Variants in ZBTB20 observed in about 807,000 individuals in gnomAD.
The protein encoded by ZBTB20 is zinc finger and BTB domain containing 20.
In ZBTB20, 9 loss-of-function variants were observed where a neutral mutation model predicts 56.9. The ratio of observed to expected loss-of-function variants is 0.16; its 90% CI spans 0.10 to 0.28. The LOEUF (loss-of-function observed/expected upper bound fraction) is 0.28. Among genes scored for constraint, ZBTB20 ranks in the 10% least tolerant of loss-of-function variants. The pLI is 1.00. For missense variants in ZBTB20, 655 were observed against 1,003.0 expected, an observed-to-expected ratio of 0.65 and a Z score of 4.69; for synonymous variants, 417 against 420.7, an observed-to-expected ratio of 0.99 and a Z score of 0.11.
Position 114,327,888 on chromosome 3 carries a change from T to TA in ZBTB20, c.*11116dup, listed in dbSNP as rs1284825045. The TA allele has an allele frequency of 7.2e-5, 11 of 152,300 alleles. No individual in the cohort carries two copies. The highest frequency in any genetic ancestry group is 2.6e-4 in the African/African-American group (11 of 41,570). The allele number at this position is 152,300 out of a possible 1,614,324, so 9.4% of individuals were successfully genotyped here. On this transcript the variant is annotated 3_prime_UTR_variant, in exon 12 of 12. Coordinates refer to ENST00000675478, the MANE Select transcript of ZBTB20 (RefSeq NM_001348800.3). ...GACCAGAAGTCAGGAAAGACTGTGT[T>TA]ACGAAGTTGTTGTGAATGTGATATT...
At chr3:114,390,539 G>T (rs1559726150) in intron 7 of ZBTB20, among the ~76,000 whole-genome samples, 1 of 152,022 alleles carries the variant, frequency 6.6e-6, no homozygotes, top group Admixed American at 6.6e-5. Context: ...TTCTTCACTG[G>T]CTTATTTTCT....
intron 2 of ZBTB20, among the ~76,000 whole-genome samples, chr3:115,029,753 G>A (rs1215958901): frequency 6.6e-6 from 1 of 150,764 alleles, no homozygotes; most frequent in South Asian, 2.1e-4. Flanking sequence ...CAGATGGTTT[G>A]AAGAGTTATA....
At chr3:114,771,576 G>A (rs913842013) in intron 5 of ZBTB20, among the ~76,000 whole-genome samples, 1 of 152,114 alleles carries the variant, frequency 6.6e-6, no homozygotes, top group Non-Finnish European at 1.5e-5. Flanking sequence ...GCAGGGGTGA[G>A]CTCATTTCTT....
At chr3:114,674,336 C>T (rs553502404) in intron 6 of ZBTB20, among the ~76,000 whole-genome samples, 2 of 152,286 alleles carry the variant, frequency 1.3e-5, no homozygotes, top group East Asian at 1.9e-4. Flanking sequence ...TTGTGAAGAA[C>T]AGGCTTTGGG....
chr3:114,720,614 G>T (rs781617144), intron 5 of ZBTB20, among the ~76,000 whole-genome samples: 2 of 152,010 alleles, frequency 1.3e-5, no homozygotes, highest in Non-Finnish European at 2.9e-5. Flanking sequence ...TAATTCAAAA[G>T]GAAGTTTAGA....
In ZBTB20 at chr3:114,752,398, G is replaced by T. The variant is rs574578493; in HGVS notation, c.-343+48703C>A. Among the ~76,000 whole-genome samples, 31 of 152,236 alleles carry T rather than the reference G, an allele frequency of 2.0e-4. No homozygotes were observed. The East Asian group carries it at 5.2e-3, about 26-fold the overall frequency. Reference sequence around the variant, plus strand: ...CTGAAGACAGCTGAAATGAGTTAAGGTTTGAATTAGTGCTATTCACACTAT... The same window carrying T: ...CTGAAGACAGCTGAAATGAGTTAAGTTTTGAATTAGTGCTATTCACACTAT... On this transcript the variant is annotated intron_variant, in intron 5 of 11. Coordinates refer to ENST00000675478, the MANE Select transcript of ZBTB20 (RefSeq NM_001348800.3).
At chr3:114,432,501 C>A (rs571562507) in intron 7 of ZBTB20, among the ~76,000 whole-genome samples, 3 of 152,326 alleles carry the variant, frequency 2.0e-5, no homozygotes, top group African/African-American at 7.2e-5. Context: ...TGGCCTGCCA[C>A]AGCCAAAAAG....
intron 2 of ZBTB20, among the ~76,000 whole-genome samples, chr3:115,062,320 C>T (rs1236482261): frequency 6.6e-6 from 1 of 152,174 alleles, no homozygotes; most frequent in South Asian, 2.1e-4. Flanking sequence ...TCAATGAAAA[C>T]CTTTATAAGC....
chr3:114,810,425 G>C (rs2072435004), intron 4 of ZBTB20, among the ~76,000 whole-genome samples: 1 of 152,080 alleles, frequency 6.6e-6, no homozygotes, highest in Non-Finnish European at 1.5e-5. Context: ...AAGGGCATGG[G>C]GTTTTTCTAT....
intron 5 of ZBTB20, among the ~76,000 whole-genome samples, chr3:114,764,750 A>C (rs2108714327): frequency 6.6e-6 from 1 of 152,314 alleles, no homozygotes; most frequent in African/African-American, 2.4e-5. Flanking sequence ...TGTAAGGAGA[A>C]AATAATATAT....
chr3:114,737,323 T>C (rs930939702), intron 5 of ZBTB20, among the ~76,000 whole-genome samples: 68 of 152,130 alleles, frequency 4.5e-4, no homozygotes, highest in African/African-American at 1.5e-3. Flanking sequence ...TTTCTAGATA[T>C]GGACCCACCT....
chr3:114,872,926 T>C (rs1424302116), intron 4 of ZBTB20, among the ~76,000 whole-genome samples: 1 of 152,150 alleles, frequency 6.6e-6, no homozygotes, highest in Non-Finnish European at 1.5e-5. Flanking sequence ...AGGCTGCTCA[T>C]ATGGTAATAA....
At chr3:114,947,655 G>T (rs2076928276) in intron 3 of ZBTB20, among the ~76,000 whole-genome samples, 1 of 145,516 alleles carries the variant, frequency 6.9e-6, no homozygotes. Flanking sequence ...ACTGGGAAGG[G>T]TGAGGAGGAA....
chr3:114,323,551 A>G lies in ZBTB20; in HGVS notation c.*15454T>C, dbSNP rs1032643524. Reference sequence around the variant, plus strand: ...ACATCCTACTGCCCTCTGCCACACTAAAATGTGCACAAGCAAGGGGCTTTG... The same window carrying G: ...ACATCCTACTGCCCTCTGCCACACTGAAATGTGCACAAGCAAGGGGCTTTG... On this transcript the variant is annotated 3_prime_UTR_variant, in exon 12 of 12. Transcript: ENST00000675478. 6.6e-6 allele frequency: 1 copy of G among 152,242 alleles called. No individual in the cohort carries two copies. The highest frequency in any genetic ancestry group is 2.4e-5 in the African/African-American group (1 of 41,456). 9.4% of individuals were successfully genotyped at this position (152,242 alleles called of 1,614,324 possible).
At chr3:114,492,727 C>T (rs115969188) in intron 7 of ZBTB20, among the ~76,000 whole-genome samples, 2 of 152,252 alleles carry the variant, frequency 1.3e-5, no homozygotes, top group Admixed American at 6.5e-5. Flanking sequence ...TTTAGATTAA[C>T]GTGCAGTTGT....
chr3:115,121,584 G>C (rs1401025130), intron 1 of ZBTB20, among the ~76,000 whole-genome samples: 1 of 151,896 alleles, frequency 6.6e-6, no homozygotes, highest in African/African-American at 2.4e-5. Context: ...AAAATAAATG[G>C]AACTATTGTC....
At chr3:114,832,272 C>T (rs2073889363) in intron 4 of ZBTB20, among the ~76,000 whole-genome samples, 2 of 152,040 alleles carry the variant, frequency 1.3e-5, no homozygotes, top group African/African-American at 4.8e-5. Flanking sequence ...CAGGTTGATA[C>T]AACAGTCATT....
chr3:114,936,276 G>A (rs1367277764), intron 3 of ZBTB20, among the ~76,000 whole-genome samples: 5 of 152,052 alleles, frequency 3.3e-5, no homozygotes, highest in African/African-American at 4.8e-5. Context: ...ATGCATGCAC[G>A]CACACATGCA....
intron 10 of ZBTB20, among the ~76,000 whole-genome samples, chr3:114,359,083 CTT>C (rs11285517): frequency 1.3e-5 from 2 of 151,776 alleles, no homozygotes; most frequent in African/African-American, 2.4e-5. Flanking sequence ...ACTCTGATTT[CTT>C]TTTTTTTGTA....
Sources: allele counts gnomAD v4.1 joint callset (sites outside exome capture counted in the v4.1 genomes callset), GRCh38; gene constraint gnomAD v4.1.1; transcripts MANE v1.5; gene names NCBI Gene and HGNC (gene_info 2026-07-23, HGNC 2026-07-21).